The following PDE1A variants were observed in gnomAD, a reference collection of about 807,000 sequenced individuals.
The protein encoded by PDE1A is dual specificity calcium/calmodulin-dependent 3',5'-cyclic nucleotide phosphodiesterase 1A.
In PDE1A, 35 loss-of-function variants were observed where a neutral mutation model predicts 61.7. That is an observed-to-expected ratio of 0.57 (90% CI 0.43 to 0.75). PDE1A has a LOEUF of 0.75. Among genes scored for constraint, PDE1A ranks in the 30% least tolerant of loss-of-function variants. The pLI is 0.00. For missense variants in PDE1A, 597 were observed against 630.6 expected (o/e 0.95, Z 0.57); for synonymous variants, 232 against 213.2 (o/e 1.09, Z -0.77).
intron 1 of PDE1A, among the ~76,000 whole-genome samples, chr2:182,418,516 A>G (rs373998888): frequency 6.6e-6 from 1 of 152,174 alleles, no homozygotes; most frequent in Non-Finnish European, 1.5e-5. Flanking sequence ...CTGGTCACTT[A>G]GACCACTTAA....
the PDE1A span, among the ~76,000 whole-genome samples, chr2:182,555,642 C>A: frequency 3.5e-3 from 526 of 152,154 alleles, 5 homozygotes; most frequent in East Asian, 0.013. Context: ...TATTAGTTAT[C>A]AGGAATTTTT....
At chr2:182,344,073 T>A (rs1698367428) in intron 1 of PDE1A, among the ~76,000 whole-genome samples, 1 of 152,042 alleles carries the variant, frequency 6.6e-6, no homozygotes, top group South Asian at 2.1e-4. Context: ...AGTCTCATTA[T>A]GTTGCCCAGG....
chr2:182,379,937 C>T lies in PDE1A; in HGVS notation c.53+46641G>A, dbSNP rs946586527. On this transcript the variant is annotated intron_variant, in intron 1 of 13. Coordinates refer to ENST00000351439, the Ensembl canonical transcript of PDE1A. ...ACCATCCTGATGGTACACTTCTGAA[C>T]GTGGCATACAAAATCTATCAAAATC... 3.3e-5 allele frequency among the ~76,000 whole-genome samples: 5 copies of T among 152,184 alleles called. No homozygotes were observed. The South Asian group carries it at 8.3e-4, about 25-fold the overall frequency.
intron 1 of PDE1A, among the ~76,000 whole-genome samples, chr2:182,419,508 T>G (rs183014694): frequency 1.5e-4 from 23 of 152,124 alleles, no homozygotes; most frequent in African/African-American, 5.1e-4. Flanking sequence ...GCTAATTTGA[T>G]TTTCTCATTC....
the PDE1A span, among the ~76,000 whole-genome samples, chr2:182,626,738 C>CAT: frequency 0.44 from 5,773 of 12,996 alleles, 1,513 homozygotes; most frequent in Non-Finnish European, 0.57. Flanking sequence ...TATATATATA[C>CAT]ATATATATAC....
intron 2 of PDE1A, among the ~76,000 whole-genome samples, chr2:182,246,405 C>CTTTT (rs869291397): frequency 1.0e-4 from 8 of 78,860 alleles, no homozygotes; most frequent in Non-Finnish European, 1.3e-4. Context: ...TTTTTTCTTT[C>CTTTT]TTTTTTTTTT....
intron 1 of PDE1A, among the ~76,000 whole-genome samples, chr2:182,356,035 G>T (rs546035108): frequency 3.7e-4 from 56 of 152,286 alleles, no homozygotes; most frequent in Middle Eastern, 6.8e-3. Flanking sequence ...GCAGCTACAG[G>T]TCAGTTTGAT....
At chr2:182,271,906 GA>G (rs1317100102) in intron 1 of PDE1A, among the ~76,000 whole-genome samples, 1 of 152,000 alleles carries the variant, frequency 6.6e-6, no homozygotes, top group African/African-American at 2.4e-5. Context: ...AAAACTTTGA[GA>G]AAAGAGATTG....
the PDE1A span, among the ~76,000 whole-genome samples, chr2:182,599,288 A>G: frequency 1.3e-5 from 2 of 152,144 alleles, no homozygotes; most frequent in Admixed American, 1.3e-4. Context: ...TGTCAACTAA[A>G]GCAGCTGCTT....
At chr2:182,465,424 A>T (rs2125783667) in intron 2 of PDE1A, among the ~76,000 whole-genome samples, 2 of 151,938 alleles carry the variant, frequency 1.3e-5, no homozygotes, top group East Asian at 1.9e-4. Flanking sequence ...TTTTTTTTTT[A>T]AATCTGATAC....
At chr2:182,657,439 G>A in the PDE1A span, among the ~76,000 whole-genome samples, 3 of 151,996 alleles carry the variant, frequency 2.0e-5, no homozygotes, top group Admixed American at 2.0e-4. Flanking sequence ...AAGTGATTAA[G>A]GATAAACAAA....
intron 2 of PDE1A, among the ~76,000 whole-genome samples, chr2:182,446,900 T>C (rs1685173199): frequency 1.3e-5 from 2 of 151,830 alleles, no homozygotes; most frequent in Admixed American, 1.3e-4. Flanking sequence ...AAAATAATCA[T>C]CACCACCATA....
chr2:182,331,361 A>G (rs1697396291), intron 1 of PDE1A, among the ~76,000 whole-genome samples: 1 of 152,186 alleles, frequency 6.6e-6, no homozygotes, highest in Non-Finnish European at 1.5e-5. Context: ...TTTAAGGTTA[A>G]TATTGTTATG....
At chr2:182,302,054 G>C (rs971727518) in intron 1 of PDE1A, among the ~76,000 whole-genome samples, 1 of 152,182 alleles carries the variant, frequency 6.6e-6, no homozygotes, top group African/African-American at 2.4e-5. Flanking sequence ...TTGCCACCTA[G>C]AAGAATATGT....
chr2:182,678,121 G>A, the PDE1A span, among the ~76,000 whole-genome samples: 5 of 152,138 alleles, frequency 3.3e-5, no homozygotes, highest in Admixed American at 6.6e-5. Context: ...TAGTTGTAAC[G>A]CCATTAAGAA....
chr2:182,261,232 TA>T (rs1692198490), intron 2 of PDE1A, among the ~76,000 whole-genome samples: 1 of 152,196 alleles, frequency 6.6e-6, no homozygotes, highest in South Asian at 2.1e-4. Flanking sequence ...GAGTACTAAA[TA>T]AGAAGTCATG....
chr2:182,595,636 C>G, the PDE1A span, among the ~76,000 whole-genome samples: 2 of 152,200 alleles, frequency 1.3e-5, no homozygotes, highest in African/African-American at 4.8e-5. Flanking sequence ...AAGGCTGTCT[C>G]TTTCTCCCTC....
intron 1 of PDE1A, among the ~76,000 whole-genome samples, chr2:182,349,060 T>A (rs1344488574): frequency 1.3e-5 from 2 of 152,196 alleles, no homozygotes; most frequent in Non-Finnish European, 2.9e-5. Flanking sequence ...GCTATAGTGA[T>A]TTCAGTCTCA....
chr2:182,251,927 G>T (rs535948257), intron 2 of PDE1A, among the ~76,000 whole-genome samples: 1 of 152,176 alleles, frequency 6.6e-6, no homozygotes, highest in Non-Finnish European at 1.5e-5. Flanking sequence ...TGTGTCCTTA[G>T]TAGAGCAGGG....
Sources: gnomAD v4.1 joint callset for allele counts (sites outside exome capture counted in the v4.1 genomes callset) on GRCh38, gnomAD v4.1.1 for gene constraint, MANE v1.5 for transcripts, NCBI Gene and HGNC (gene_info 2026-07-23, HGNC 2026-07-21) for gene names.